Variants in RAB27B observed in about 807,000 individuals in gnomAD.
RAB27B encodes RAB27B, member RAS oncogene family.
Under a neutral mutation model 24.6 loss-of-function variants are expected in RAB27B, and 15 were observed. The observed-to-expected ratio is 0.61, with a 90% CI of 0.41 to 0.94. The LOEUF is 0.94. Ranked by LOEUF, RAB27B falls within the 40% of genes least tolerant of loss-of-function variation. The probability of loss-of-function intolerance (pLI) is 0.00; values close to 1 mark genes in which losing one functional copy is unlikely to be tolerated. For synonymous variants in RAB27B, 105 were observed against 92.5 expected (o/e 1.14, Z -0.78); for missense variants, 261 against 266.8 (o/e 0.98, Z 0.15).
chr18:54,854,303 G>A (rs55989590), intron 1 of RAB27B, among the ~76,000 whole-genome samples: 22,376 of 152,098 alleles, frequency 0.15, 1,891 homozygotes, highest in Non-Finnish European at 0.2. Context: ...ACACTTTTTC[G>A]TTCTTAAGTG....
intron 1 of RAB27B, among the ~76,000 whole-genome samples, chr18:54,851,302 A>G (rs1342537374): frequency 6.6e-6 from 1 of 152,188 alleles, no homozygotes; most frequent in African/African-American, 2.4e-5. Context: ...TTTTAAAAAT[A>G]TGTAATATGT....
At chr18:54,761,110 G>C (rs1312027283) in intron 2 of RAB27B, among the ~76,000 whole-genome samples, 1 of 151,622 alleles carries the variant, frequency 6.6e-6, no homozygotes, top group Non-Finnish European at 1.5e-5. Context: ...CTGTCTCTCA[G>C]AAGTTATAAT....
chr18:54,809,676 A>G (rs1206010239), intron 2 of RAB27B, among the ~76,000 whole-genome samples: 2 of 152,254 alleles, frequency 1.3e-5, no homozygotes, highest in African/African-American at 2.4e-5. Context: ...GCTTTAGTTA[A>G]GTAAATGTAA....
chr18:54,799,555 A>G (rs181593423), intron 2 of RAB27B, among the ~76,000 whole-genome samples: 7 of 151,420 alleles, frequency 4.6e-5, no homozygotes, highest in African/African-American at 1.7e-4. Context: ...TTTTATTACA[A>G]AAGCAAGGTA....
chr18:54,749,687 A>G (rs1028454299), intron 2 of RAB27B, among the ~76,000 whole-genome samples: 19 of 152,204 alleles, frequency 1.2e-4, no homozygotes, highest in African/African-American at 4.3e-4. Context: ...ACTGAGTGGG[A>G]TAAAAGAGTC....
intron 1 of RAB27B, among the ~76,000 whole-genome samples, chr18:54,858,810 G>A (rs960240757): frequency 6.6e-6 from 1 of 152,152 alleles, no homozygotes; most frequent in African/African-American, 2.4e-5. Context: ...GCAGAAACGA[G>A]TTAGGAAGAG....
At chr18:54,736,239 G>A (rs565511096) in intron 2 of RAB27B, among the ~76,000 whole-genome samples, 5 of 152,232 alleles carry the variant, frequency 3.3e-5, no homozygotes, top group African/African-American at 7.2e-5. Flanking sequence ...TTCTATGCTC[G>A]ATTATGATGA....
upstream of RAB27B, among the ~76,000 whole-genome samples, chr18:54,824,754 C>A (rs372828502): frequency 6.6e-6 from 1 of 152,134 alleles, no homozygotes; most frequent in Non-Finnish European, 1.5e-5. Context: ...TGGAATCTGG[C>A]GGGCACTTCC....
chr18:54,833,823 G>T (rs77757497), intron 1 of RAB27B, among the ~76,000 whole-genome samples: 4 of 152,148 alleles, frequency 2.6e-5, no homozygotes, highest in Non-Finnish European at 4.4e-5. Flanking sequence ...AGCTTGGAGC[G>T]TTCAAGAAAC....
At chr18:54,861,218 A>G (rs1397234659) in intron 1 of RAB27B, among the ~76,000 whole-genome samples, 1 of 152,138 alleles carries the variant, frequency 6.6e-6, no homozygotes, top group African/African-American at 2.4e-5. Context: ...AATGAACCCA[A>G]TTTGCAAGTA....
At chr18:54,733,468 T>C (rs1909788648) in intron 2 of RAB27B, among the ~76,000 whole-genome samples, 3 of 151,854 alleles carry the variant, frequency 2.0e-5, no homozygotes, top group African/African-American at 7.3e-5. Flanking sequence ...CTCTACAATA[T>C]TGAGCAACTA....
chr18:54,779,515 C>T (rs1908822922), intron 2 of RAB27B, among the ~76,000 whole-genome samples: 1 of 152,122 alleles, frequency 6.6e-6, no homozygotes, highest in South Asian at 2.1e-4. Context: ...AAGATTAATG[C>T]CTCATGTTAC....
At chr18:54,858,375 C>CT (rs1911866975) in intron 1 of RAB27B, among the ~76,000 whole-genome samples, 1 of 23,022 alleles carries the variant, frequency 4.3e-5, no homozygotes, top group African/African-American at 6.8e-5. Context: ...AGCAGGAAAA[C>CT]TGTTTTTTTT....
chr18:54,802,578 T>C (rs879229290), intron 2 of RAB27B, among the ~76,000 whole-genome samples: 1 of 152,234 alleles, frequency 6.6e-6, no homozygotes, highest in Admixed American at 6.5e-5. Context: ...CAAGGTTTCT[T>C]GATGTGTGAT....
chr18:54,737,131 C>A (rs1423489915), intron 2 of RAB27B, among the ~76,000 whole-genome samples: 1 of 151,942 alleles, frequency 6.6e-6, no homozygotes, highest in East Asian at 1.9e-4. Context: ...GAAAAAAAAA[C>A]TACTTACATA....
upstream of RAB27B, chr18:54,828,231 A>G (rs903196439): frequency 3.9e-5 from 6 of 152,148 alleles, no homozygotes; most frequent in Non-Finnish European, 5.9e-5. Flanking sequence ...AGAGACATCA[A>G]AGAAAACACA....
At chr18:54,883,987 C>T (rs932771899) in intron 3 of RAB27B, among the ~76,000 whole-genome samples, 1 of 152,134 alleles carries the variant, frequency 6.6e-6, no homozygotes, top group African/African-American at 2.4e-5. Context: ...AGGTTAAAGT[C>T]CCCACTCTAA....
intron 2 of RAB27B, among the ~76,000 whole-genome samples, chr18:54,755,824 C>G (rs758090915): frequency 3.3e-5 from 5 of 152,282 alleles, no homozygotes; most frequent in African/African-American, 9.6e-5. Flanking sequence ...GTAGGAAAAT[C>G]ATCTTGGTAT....
chr18:54,778,009 C>T (rs1028602429), intron 2 of RAB27B, among the ~76,000 whole-genome samples: 8 of 152,250 alleles, frequency 5.3e-5, no homozygotes, highest in South Asian at 2.1e-4. Flanking sequence ...GAGAACTCAA[C>T]GTACAAGTGA....
Sources: allele counts gnomAD v4.1 joint callset (sites outside exome capture counted in the v4.1 genomes callset), GRCh38; gene constraint gnomAD v4.1.1; transcripts MANE v1.5; gene names NCBI Gene and HGNC (gene_info 2026-07-23, HGNC 2026-07-21).